Variants in DAPK1 observed in about 807,000 individuals in gnomAD.
The protein encoded by DAPK1 is death associated protein kinase 1.
In DAPK1, 56 loss-of-function variants were observed where a neutral mutation model predicts 144.9. The observed-to-expected ratio is 0.39, with a 90% CI of 0.31 to 0.48. The LOEUF is 0.48. Among genes scored for constraint, DAPK1 ranks in the 20% least tolerant of loss-of-function variants. The probability of loss-of-function intolerance (pLI) is 0.95; values close to 1 mark genes in which losing one functional copy is unlikely to be tolerated. For synonymous variants in DAPK1, 690 were observed against 749.0 expected (o/e 0.92, Z 1.29); for missense variants, 1,454 against 1,875.4 (o/e 0.78, Z 4.15).
chr9:87,558,837 A>G lies in DAPK1; in HGVS notation c.63-46117A>G, dbSNP rs565195296. 2.6e-5 allele frequency among the ~76,000 whole-genome samples: 4 copies of G among 152,270 alleles called. No individual in the cohort carries two copies. The East Asian group carries it at 7.7e-4, about 29-fold the overall frequency. ...GCAGAAAGCATGATTCCCATGCTCCATGTGGGCGGACTCCTGTTAGGCAGG... is the reference window on the plus strand; with the variant it reads ...GCAGAAAGCATGATTCCCATGCTCCGTGTGGGCGGACTCCTGTTAGGCAGG... On this transcript the variant is annotated intron_variant, in intron 2 of 25. Transcript: ENST00000408954.
intron 19 of DAPK1, among the ~76,000 whole-genome samples, chr9:87,678,385 C>T (rs1824482134): frequency 6.6e-6 from 1 of 152,176 alleles, no homozygotes; most frequent in Non-Finnish European, 1.5e-5. Flanking sequence ...GGCTGGGAAA[C>T]CCAGCAGGTC....
Position 87,701,718 on chromosome 9 carries a change from GTA to G in DAPK1, c.2872-1309_2872-1308del, listed in dbSNP as rs763441602. 2.3e-3 allele frequency: 668 copies of G among 292,826 alleles called. 8 individuals are homozygous for G. The highest frequency in any genetic ancestry group is 1.5e-3 in the Non-Finnish European group (223 of 144,190). 18.1% of individuals were successfully genotyped at this position (292,826 alleles called of 1,614,324 possible). On this transcript the variant is annotated intron_variant, in intron 24 of 25. Transcript: ENST00000408954. ...CTTACCTTTGAAGCTGCCTCTGGGTGTATTTTTTTTTTTTTTTTTTAACTGCT... is the reference window on the plus strand; with the variant it reads ...CTTACCTTTGAAGCTGCCTCTGGGTGTTTTTTTTTTTTTTTTTTAACTGCT...
chr9:87,567,127 T>A (rs981711154), intron 2 of DAPK1, among the ~76,000 whole-genome samples: 1 of 152,218 alleles, frequency 6.6e-6, no homozygotes, highest in Admixed American at 6.5e-5. Context: ...ATATTCTCTT[T>A]CTGTTGGCAC....
chr9:87,643,548 C>A, intron 11 of DAPK1, 80 bp downstream of exon 11: 1 of 942,104 alleles, frequency 1.1e-6, no homozygotes, highest in Non-Finnish European at 1.7e-6. Context: ...TTTGTTCAAC[C>A]TCCCAGGAAC....
At chr9:87,624,069 A>T (rs1386341196) in intron 3 of DAPK1, among the ~76,000 whole-genome samples, 2 of 152,226 alleles carry the variant, frequency 1.3e-5, no homozygotes, top group Non-Finnish European at 2.9e-5. Context: ...AAGCTTCTTG[A>T]TGTGAAGTGG....
At chr9:87,631,933 C>A in intron 3 of DAPK1, 1 of 354,264 alleles carries the variant, frequency 2.8e-6, no homozygotes, top group Non-Finnish European at 4.0e-6. Context: ...ATGGCAAAAA[C>A]ATCTGCCTTC....
chr9:87,648,970 C>A lies in DAPK1; in HGVS notation c.1428+91C>A, dbSNP rs1830354869. The A allele has an allele frequency of 5.4e-6, 6 of 1,117,402 alleles. No individual in the cohort carries two copies. The South Asian group carries it at 7.9e-5, about 15-fold the overall frequency. 69.2% of individuals were successfully genotyped at this position (1,117,402 alleles called of 1,614,324 possible). A position where few individuals can be genotyped will look rare whatever the true frequency, so the allele number is the denominator to read the frequency against. On this transcript the variant is annotated intron_variant, in intron 15 of 25. Coordinates refer to ENST00000408954, the MANE Select transcript of DAPK1 (RefSeq NM_004938.4). ...ACAGTCGGGGCCTTTAGAGTTTTAT[C>A]CAAGCTAGGCTTTCTGTCTTCCCCT...
chr9:87,505,893 G>C (rs1030004412), intron 2 of DAPK1, among the ~76,000 whole-genome samples: 5 of 152,086 alleles, frequency 3.3e-5, no homozygotes, highest in African/African-American at 9.7e-5. Context: ...TCGCCATGTT[G>C]GCTAGGCTGG....
At chr9:87,675,716 G>A (rs999804289) in intron 19 of DAPK1, among the ~76,000 whole-genome samples, 7 of 151,970 alleles carry the variant, frequency 4.6e-5, no homozygotes, top group Admixed American at 1.3e-4. Context: ...GAGATGTGAC[G>A]GTGCTTGGAC....
In DAPK1 at chr9:87,621,122, C is replaced by T. The variant is rs569129145; in HGVS notation, c.284+15947C>T. Among the ~76,000 whole-genome samples, 25 of 152,330 alleles carry T rather than the reference C, an allele frequency of 1.6e-4. No homozygotes were observed. The East Asian group carries it at 4.4e-3, about 27-fold the overall frequency. The stretch of plus-strand genomic sequence containing the variant: ...GTCAGGCACTTTCCTTTCTACCCTC[C>T]CTCCTCCAAGTATTGCCTGGAGCAA... On this transcript the variant is annotated intron_variant, in intron 3 of 25. Coordinates refer to ENST00000408954, the MANE Select transcript of DAPK1 (RefSeq NM_004938.4).
chr9:87,646,584 A>G (rs982947333), intron 13 of DAPK1, 25 bp downstream of exon 13: 4 of 1,568,232 alleles, frequency 2.6e-6, no homozygotes, highest in East Asian at 2.2e-5. Context: ...ATTGAAATGA[A>G]TTGAATTTTA....
At chr9:87,664,247 C>A (rs548113906) in intron 18 of DAPK1, among the ~76,000 whole-genome samples, 1 of 152,246 alleles carries the variant, frequency 6.6e-6, no homozygotes, top group South Asian at 2.1e-4. Flanking sequence ...AAGCCCCTGC[C>A]GGCTCCCCCA....
At chr9:87,640,590 T>A in intron 8 of DAPK1, 140 bp downstream of exon 8, 1 of 1,103,600 alleles carries the variant, frequency 9.1e-7, no homozygotes, top group Non-Finnish European at 1.3e-6. Flanking sequence ...GTGAAACGCT[T>A]CAGAAAATGC....
chr9:87,680,208 CATT>C (rs1319084547), intron 19 of DAPK1, among the ~76,000 whole-genome samples: 1 of 152,090 alleles, frequency 6.6e-6, no homozygotes, highest in Non-Finnish European at 1.5e-5. Context: ...AGGTTCACAC[CATT>C]CTCCTGCCTC....
chr9:87,685,302 G>A (rs758353192), intron 20 of DAPK1, among the ~76,000 whole-genome samples: 63 of 151,878 alleles, frequency 4.1e-4, no homozygotes, highest in Non-Finnish European at 7.2e-4. Context: ...CATCCCCTCC[G>A]TTGGATACCC....
At position 87,691,135 on chromosome 9, in the gene DAPK1, C is replaced by G. The variant is rs1825040502; in HGVS notation, c.2413+4396C>G. On this transcript the variant is annotated intron_variant, in intron 21 of 25. Transcript: ENST00000408954. ...TTCTGACATCCAAACCTGGACTTCT[C>G]TTTTTGGGGAGGCTTTTTAATACCA... 2.0e-5 allele frequency among the ~76,000 whole-genome samples: 3 copies of G among 151,894 alleles called. No individual in the cohort carries two copies. The South Asian group carries it at 6.2e-4, about 31-fold the overall frequency.
At chr9:87,660,246 C>A (rs3118845) in intron 18 of DAPK1, among the ~76,000 whole-genome samples, 20,642 of 151,888 alleles carry the variant, frequency 0.14, 1,811 homozygotes, top group South Asian at 0.23. Context: ...CGCAGGGAAC[C>A]GGGGCTTCCT....
In DAPK1 at chr9:87,632,833, T is replaced by G. The variant is rs180908245; in HGVS notation, c.285-5110T>G. On this transcript the variant is annotated intron_variant, in intron 3 of 25. Coordinates refer to ENST00000408954, the MANE Select transcript of DAPK1 (RefSeq NM_004938.4). ...GAAGGAGGTTGAGTACATATGTAGG[T>G]ATGAAGGATGATGAGTACCTATGTA... is the stretch of plus-strand genomic sequence containing the variant. 8.2e-5 allele frequency: 79 copies of G among 959,392 alleles called. 1 individual carries two copies. In the East Asian group the frequency reaches 1.8e-3, roughly 22 times the overall value. 59.4% of individuals were successfully genotyped at this position (959,392 alleles called of 1,614,324 possible).
chr9:87,517,104 C>A (rs1321252853), intron 2 of DAPK1, among the ~76,000 whole-genome samples: 1 of 132,922 alleles, frequency 7.5e-6, no homozygotes, highest in Non-Finnish European at 1.6e-5. Flanking sequence ...CAGGGAGCCA[C>A]CCAGGGTGGT....
Sources: allele counts gnomAD v4.1 joint callset (sites outside exome capture counted in the v4.1 genomes callset), GRCh38; gene constraint gnomAD v4.1.1; transcripts MANE v1.5; gene names NCBI Gene and HGNC (gene_info 2026-07-23, HGNC 2026-07-21).